The following CRAT variants were observed in gnomAD, a reference collection of about 807,000 sequenced individuals.
CRAT encodes the protein carnitine O-acetyltransferase, also known as carnitine acetylase.
In CRAT, 66 loss-of-function variants were observed where a neutral mutation model predicts 73.7. The observed-to-expected ratio is 0.90, with a 90% CI of 0.73 to 1.10. The LOEUF is 1.10. CRAT is among the 50% of genes least tolerant of loss of function. CRAT has a pLI of 0.00. For synonymous variants in CRAT, 321 were observed against 343.2 expected (o/e 0.94, Z 0.71); for missense variants, 745 against 846.9 (o/e 0.88, Z 1.49).
At chr9:129,100,043 A>G in intron 7 of CRAT, 77 bp from the exon 8 acceptor site, 1 of 1,139,948 alleles carries the variant, frequency 8.8e-7, no homozygotes. Context: ...TCTTTGGTTG[A>G]GGCAAGGGCC....
At chr9:129,097,456 C>T (rs1847352722) in intron 11 of CRAT, 144 bp from the exon 12 acceptor site, 4 of 586,408 alleles carry the variant, frequency 6.8e-6, no homozygotes, top group East Asian at 6.8e-5. Context: ...CGCCTGTAAT[C>T]CCAGCACTTT....
chr9:129,095,702 G>A lies in CRAT; in HGVS notation c.1666-90C>T, dbSNP rs559953919. ...GCCTGTGCTTCCGCCAAGACTGCAG[G>A]CCCCTTGTGGGCAGGGATCATGGTC... On this transcript the variant is annotated intron_variant, in intron 13 of 13. Coordinates refer to ENST00000318080, the MANE Select transcript of CRAT (RefSeq NM_000755.5). 3 of 1,323,292 alleles carry A rather than the reference G, an allele frequency of 2.3e-6. No homozygotes were observed. In the East Asian group the frequency reaches 7.5e-5, roughly 33 times the overall value. 82.0% of individuals were successfully genotyped at this position (1,323,292 alleles called of 1,614,324 possible). A position where few individuals can be genotyped will look rare whatever the true frequency, so the allele number is the denominator to read the frequency against.
intron 10 of CRAT, 48 bp from the exon 11 acceptor site, chr9:129,098,196 TC>T (rs1564158440): frequency 9.3e-6 from 15 of 1,612,186 alleles, no homozygotes; most frequent in East Asian, 2.2e-5. Context: ...GGGCACCCCC[TC>T]CCCTGCCCCC....
rs2131490383 is a variant in CRAT, at chr9:129,106,803, GCT to G, written c.291+1009_291+1010del. On this transcript the variant is annotated intron_variant, in intron 2 of 13. Transcript: ENST00000318080. The surrounding 1 kb of genome is among the most constrained non-coding windows in gnomAD (Gnocchi z 4.0). ...ATTTCCCAGGGCCGGACCCGCTCTG[GCT>G]CTCCCACAGGTAGCTTCTCTCTCAG... Among the ~76,000 whole-genome samples, 1 of 152,092 alleles carries G rather than the reference GCT, an allele frequency of 6.6e-6. No homozygotes were observed. The highest frequency in any genetic ancestry group is 2.1e-4 in the South Asian group (1 of 4,814).
chr9:129,102,271 AG>A (rs1847720490), intron 5 of CRAT, 128 bp downstream of exon 5: 6 of 1,358,410 alleles, frequency 4.4e-6, no homozygotes, highest in Non-Finnish European at 6.1e-6. Context: ...TGGAGAAGCC[AG>A]GGGCGCCCAT....
Position 129,095,344 on chromosome 9 carries a change from C to T in CRAT, c.*53G>A. On this transcript the variant is annotated 3_prime_UTR_variant, in exon 14 of 14. Transcript: ENST00000318080. ...CAAGGAGCTGAGCCCTGGTGGGTGG[C>T]CCATCCCAGGGTGGGCTTGGCTGTG... The T allele has an allele frequency of 6.3e-7, 1 of 1,577,814 alleles. No individual in the cohort carries two copies.
At position 129,097,902 on chromosome 9, in the gene CRAT, G is replaced by A. The variant is rs1588442788; in HGVS notation, c.1464+111C>T. 1.2e-5 allele frequency: 17 copies of A among 1,452,504 alleles called. No homozygotes were observed. The East Asian group carries it at 3.7e-4, about 31-fold the overall frequency. The allele number at this position is 1,452,504 out of a possible 1,614,324, so 90.0% of individuals were successfully genotyped here. ...CTCCAGCTTCTGTTAGATTCCCCGTGCCCACCATGGGGCTGGAATCCTGTA... is the reference window on the plus strand; with the variant it reads ...CTCCAGCTTCTGTTAGATTCCCCGTACCCACCATGGGGCTGGAATCCTGTA... On this transcript the variant is annotated intron_variant, in intron 11 of 13. Transcript: ENST00000318080.
chr9:129,109,458 G>A (rs376384033), intron 1 of CRAT, among the ~76,000 whole-genome samples: 3 of 152,198 alleles, frequency 2.0e-5, no homozygotes, highest in South Asian at 4.1e-4. Flanking sequence ...GTCCAAGAGC[G>A]GAGGACTTTT....
chr9:129,102,547 C>T lies in CRAT; in HGVS notation c.483G>A (p.Glu161=), dbSNP rs569816568. Residue 161 remains glutamate (E), a synonymous_variant, in exon 5 of 14, where the codon GAG becomes GAA. Transcript: ENST00000318080. ...TGCACAGTGGCTTCCCCCCCAGGTA[C>T]TCCACGGGCAGGGTCTCGCTATGGG... ...VMIDNETLPV[E]YLGGKPLCMN... is the part of the protein sequence containing the mutation. 3.1e-6 allele frequency: 5 copies of T among 1,614,080 alleles called. No individual in the cohort carries two copies. In the African/African-American group the frequency reaches 5.3e-5, roughly 17 times the overall value.
At position 129,110,389 on chromosome 9, in the gene CRAT, A is replaced by T; in HGVS notation, c.27+94T>A. Reference sequence around the variant, plus strand: ...CCATCAGCTGGAGGCCGGGTCGAACAGCGGCCGCAGGACGCGGTCTCCGTT... The same window carrying T: ...CCATCAGCTGGAGGCCGGGTCGAACTGCGGCCGCAGGACGCGGTCTCCGTT... On this transcript the variant is annotated intron_variant, in intron 1 of 13. Transcript: ENST00000318080. This position sits in a 1 kb window ranked among gnomAD's most constrained non-coding sequence, Gnocchi z 5.3. 1 of 1,327,000 alleles carries T rather than the reference A, an allele frequency of 7.5e-7. No homozygotes were observed. Among genetic ancestry groups the T allele is most frequent in the East Asian group, 3.0e-5 (1 of 33,774 alleles). 82.2% of individuals were successfully genotyped at this position (1,327,000 alleles called of 1,614,324 possible).
intron 2 of CRAT, 129 bp from the exon 3 acceptor site, chr9:129,104,435 T>C (rs1265791351): frequency 6.0e-6 from 4 of 672,034 alleles, no homozygotes; most frequent in Non-Finnish European, 1.0e-5. Context: ...AGTAAATGCC[T>C]AGATCCAGAA....
At chr9:129,102,203 G>T in intron 5 of CRAT, 146 bp from the exon 6 acceptor site, 1 of 1,187,306 alleles carries the variant, frequency 8.4e-7, no homozygotes, top group Non-Finnish European at 1.2e-6. Context: ...GAGGTCCTTG[G>T]ATCACCCTTC....
At chr9:129,099,032 T>C (rs1177164108) in intron 8 of CRAT, among the ~76,000 whole-genome samples, 1 of 150,738 alleles carries the variant, frequency 6.6e-6, no homozygotes, top group Non-Finnish European at 1.5e-5. Context: ...GCTGGAGCAA[T>C]GGAACGATCT....
At chr9:129,102,304 GTGCTGGGGAAC>G in intron 5 of CRAT, 85 bp downstream of exon 5, 1 of 1,529,642 alleles carries the variant, frequency 6.5e-7, no homozygotes, top group Non-Finnish European at 9.0e-7. Context: ...GTGGGCACGT[GTGCTGGGGAAC>G]CCCAGTGGGG....
chr9:129,099,738 C>T, intron 8 of CRAT, 128 bp downstream of exon 8: 1 of 708,004 alleles, frequency 1.4e-6, no homozygotes, highest in Non-Finnish European at 2.3e-6. Context: ...ATCTGGCTGG[C>T]TTCCTTGGAA....
chr9:129,104,372 C>A, intron 2 of CRAT, 66 bp from the exon 3 acceptor site: 2 of 1,330,322 alleles, frequency 1.5e-6, no homozygotes, highest in Non-Finnish European at 2.1e-6. Flanking sequence ...TTCCCCAGGG[C>A]TAGGGGACCT....
rs1365838738 is a variant in CRAT, at chr9:129,103,114, A to G, written c.411-48T>C. ...AGAAGCTGCGTGGACACCCTGAGGG[A>G]GGCCCCGGGCTAGGGACACCTGCTT... On this transcript the variant is annotated intron_variant, in intron 3 of 13. Transcript: ENST00000318080. The surrounding 1 kb of genome is among the most constrained non-coding windows in gnomAD (Gnocchi z 4.6). 1.3e-6 allele frequency: 2 copies of G among 1,547,680 alleles called. No individual in the cohort carries two copies. Among genetic ancestry groups the G allele is most frequent in the Middle Eastern group, 1.7e-4 (1 of 5,950 alleles).
At chr9:129,100,069 C>G (rs1226694439) in intron 7 of CRAT, 103 bp from the exon 8 acceptor site, 6 of 820,628 alleles carry the variant, frequency 7.3e-6, no homozygotes, top group African/African-American at 1.7e-5. Context: ...GAAGCCATCT[C>G]AAGGGGCTAT....
rs979590789 is a variant in CRAT at position 129,103,447 on chromosome 9, C to A, written c.411-381G>T. On this transcript the variant is annotated intron_variant, in intron 3 of 13. Coordinates refer to ENST00000318080, the MANE Select transcript of CRAT (RefSeq NM_000755.5). The surrounding 1 kb of genome is among the most constrained non-coding windows in gnomAD (Gnocchi z 4.6). ...GGGGGTGTCATCTGCTCTGAAGCAT[C>A]GGTTCTGGAGGCCCCGGGCCCCTGG... 6.6e-6 allele frequency among the ~76,000 whole-genome samples: 1 copy of A among 152,106 alleles called. No homozygotes were observed. Among genetic ancestry groups the A allele is most frequent in the African/African-American group, 2.4e-5 (1 of 41,418 alleles).
Sources: gnomAD v4.1 joint callset for allele counts (sites outside exome capture counted in the v4.1 genomes callset) on GRCh38, gnomAD v4.1.1 for gene constraint, Gnocchi (gnomAD v3.1) non-coding constraint, MANE v1.5 for transcripts, NCBI Gene and HGNC (gene_info 2026-07-23, HGNC 2026-07-21) for gene names.